TMPRSS11A: variants seen among roughly 807,000 people sequenced by gnomAD.
TMPRSS11A encodes transmembrane protease serine 11A.
A neutral mutation model predicts 58.9 loss-of-function variants in TMPRSS11A; 53 were observed. The observed-to-expected ratio is 0.90, with a 90% CI of 0.72 to 1.13. TMPRSS11A has a LOEUF of 1.13. Ranked by LOEUF, TMPRSS11A falls within the 50% of genes most tolerant of loss-of-function variation. The pLI is 0.00. For synonymous variants in TMPRSS11A, 167 were observed against 169.8 expected (o/e 0.98, Z 0.13); for missense variants, 493 against 499.3 (o/e 0.99, Z 0.12).
At chr4:67,961,143 A>G (rs1721411109) in intron 1 of TMPRSS11A, among the ~76,000 whole-genome samples, 1 of 152,242 alleles carries the variant, frequency 6.6e-6, no homozygotes, top group Non-Finnish European at 1.5e-5. Context: ...TCCAAGGTTC[A>G]TGATAGCAGA....
intron 9 of TMPRSS11A, among the ~76,000 whole-genome samples, chr4:67,913,000 G>A (rs146534047): frequency 6.6e-6 from 1 of 151,762 alleles, no homozygotes; most frequent in Non-Finnish European, 1.5e-5. Context: ...TGTCTTTTTT[G>A]TTGTTGTTGT....
intron 1 of TMPRSS11A, among the ~76,000 whole-genome samples, chr4:67,956,470 A>G (rs1453971430): frequency 2.0e-5 from 3 of 152,184 alleles, no homozygotes; most frequent in Non-Finnish European, 4.4e-5. Flanking sequence ...GATATTTCAG[A>G]AACATATCTA....
chr4:67,933,641 C>T (rs1465844), intron 3 of TMPRSS11A, among the ~76,000 whole-genome samples: 81,311 of 151,880 alleles, frequency 0.54, 22,791 homozygotes, highest in African/African-American at 0.64. Context: ...GTGTGGGGTT[C>T]ATCTGCTAGA....
At chr4:67,932,365 T>C (rs1217156775) in intron 3 of TMPRSS11A, among the ~76,000 whole-genome samples, 1 of 152,138 alleles carries the variant, frequency 6.6e-6, no homozygotes, top group African/African-American at 2.4e-5. Context: ...GAGTAGAAGA[T>C]ATCTTGCTAA....
intron 1 of TMPRSS11A, among the ~76,000 whole-genome samples, 155 bp from the exon 2 acceptor site, chr4:67,946,726 T>TAA (rs34591422): frequency 0.63 from 94,769 of 149,610 alleles, 34,523 homozygotes; most frequent in Non-Finnish European, 0.82. Flanking sequence ...GAAGATGTGT[T>TAA]AAAAAAAAAA....
chr4:67,915,909 ATTTG>A (rs1026430019), intron 8 of TMPRSS11A, among the ~76,000 whole-genome samples: 3 of 152,242 alleles, frequency 2.0e-5, no homozygotes, highest in African/African-American at 7.2e-5. Context: ...GTTTGTGATT[ATTTG>A]TTACACATTT....
chr4:67,913,973 G>A (rs1441696938), intron 9 of TMPRSS11A, among the ~76,000 whole-genome samples: 1 of 152,170 alleles, frequency 6.6e-6, no homozygotes, highest in East Asian at 1.9e-4. Flanking sequence ...ACTGGGGAGG[G>A]CCCATGGAAT....
At chr4:67,948,595 CTATTGAGTAAA>C (rs1418770467) in intron 1 of TMPRSS11A, among the ~76,000 whole-genome samples, 1 of 152,140 alleles carries the variant, frequency 6.6e-6, no homozygotes, top group Non-Finnish European at 1.5e-5. Flanking sequence ...AACCTGAATT[CTATTGAGTAAA>C]TATTGACCAT....
chr4:67,941,965 C>G (rs148079014), intron 3 of TMPRSS11A, among the ~76,000 whole-genome samples: 71 of 152,192 alleles, frequency 4.7e-4, no homozygotes, highest in African/African-American at 1.7e-3. Context: ...GCAGTGTCCA[C>G]AACCAACACA....
At position 67,926,046 on chromosome 4, in the gene TMPRSS11A, G is replaced by C. The variant is rs893969072; in HGVS notation, c.482-1880C>G. ...ACCTCCTAACACGGTTCTGAGTTGG[G>C]AGAAAGCTAGTTAATATTCAGGGCT... On this transcript the variant is annotated intron_variant, in intron 5 of 9. Transcript: ENST00000508048. Among the ~76,000 whole-genome samples, 6 of 152,184 alleles carry C rather than the reference G, an allele frequency of 3.9e-5. No homozygotes were observed. In the East Asian group the frequency reaches 1.2e-3, roughly 29 times the overall value.
At chr4:67,916,696 G>A (rs1281096370) in intron 8 of TMPRSS11A, among the ~76,000 whole-genome samples, 2 of 152,074 alleles carry the variant, frequency 1.3e-5, no homozygotes, top group Non-Finnish European at 2.9e-5. Context: ...GCATGGTGGT[G>A]GGCGCCTGCA....
intron 1 of TMPRSS11A, 68 bp from the exon 2 acceptor site, chr4:67,946,639 A>G: frequency 6.7e-7 from 1 of 1,495,104 alleles, no homozygotes; most frequent in Non-Finnish European, 8.9e-7. Context: ...AGCTCTCCTT[A>G]GACAAGTTCA....
chr4:67,914,637 G>T lies in TMPRSS11A; in HGVS notation c.1046C>A (p.Pro349His). 14 of 1,613,598 alleles carry T rather than the reference G, an allele frequency of 8.7e-6. No homozygotes were observed. Among genetic ancestry groups the T allele is most frequent in the Non-Finnish European group, 1.2e-5 (14 of 1,179,746 alleles). The change falls in exon 9 of 10, where the codon CCT (proline) becomes CAT (histidine). Residue 349 changes from proline (P) to histidine (H), a missense_variant. Pro to His is a moderately conservative substitution (Grantham distance 77, BLOSUM62 -2). Coordinates refer to ENST00000508048, the MANE Select transcript of TMPRSS11A (RefSeq NM_001114387.2). ...QPQVYGNDIK[P>H]GMFCAGYMEG... The stretch of plus-strand genomic sequence containing the variant: ...CATATATCCGGCACAGAACATTCCA[G>T]GTTTTATATCATTGCCATACACCTG...
intron 5 of TMPRSS11A, among the ~76,000 whole-genome samples, chr4:67,928,908 C>T (rs1340346206): frequency 1.3e-5 from 2 of 152,176 alleles, no homozygotes; most frequent in Admixed American, 1.3e-4. Flanking sequence ...CTATACTTGT[C>T]TGTTGGAAGA....
intron 9 of TMPRSS11A, among the ~76,000 whole-genome samples, chr4:67,913,392 C>A (rs1577849035): frequency 1.3e-5 from 2 of 152,184 alleles, no homozygotes; most frequent in East Asian, 3.8e-4. Context: ...CACTGTATTC[C>A]TGTCTTGGAT....
chr4:67,919,214 T>TTGG lies in TMPRSS11A; in HGVS notation c.710_711insCCA (p.His236dup), dbSNP rs754919501. ...TTTTTGTTCCAAAACTAACAGTCCA[T>TTGG]TGATGTGGATTTTTATACCTGGAAA... is the stretch of plus-strand genomic sequence containing the variant. On this transcript the variant is annotated inframe_insertion, in exon 8 of 10. Transcript: ENST00000508048. 4.3e-6 allele frequency: 7 copies of TTGG among 1,613,802 alleles called. No individual in the cohort carries two copies. In the African/African-American group the frequency reaches 9.3e-5, roughly 22 times the overall value.
In TMPRSS11A at chr4:67,962,880, C is replaced by T. The variant is rs189155501; in HGVS notation, c.11+503G>A. 6.0e-3 allele frequency among the ~76,000 whole-genome samples: 921 copies of T among 152,342 alleles called. 10 individuals are homozygous for T. Among genetic ancestry groups the T allele is most frequent in the South Asian group, 0.035 (168 of 4,828 alleles). ...TTGAGCTTGTTTTCTCATTCTCCCA[C>T]ATGGAAGCCCTGGGTCTTCTACAAT... On this transcript the variant is annotated intron_variant, in intron 1 of 9. Coordinates refer to ENST00000508048, the MANE Select transcript of TMPRSS11A (RefSeq NM_001114387.2).
chr4:67,924,475 G>T (rs1432810619), intron 5 of TMPRSS11A, among the ~76,000 whole-genome samples: 5 of 152,202 alleles, frequency 3.3e-5, no homozygotes, highest in Non-Finnish European at 7.3e-5. Flanking sequence ...TCGGGGTAAA[G>T]CTTCTTTGCA....
rs114026474 is a variant in TMPRSS11A at position 67,930,481 on chromosome 4, C to T, written c.321-441G>A. ...GCTTGTTTCTCTTTGGTCAGCTCTG[C>T]TTTTAAGAGTTCATCATTTTGAGTT... On this transcript the variant is annotated intron_variant, in intron 4 of 9. Coordinates refer to ENST00000508048, the MANE Select transcript of TMPRSS11A (RefSeq NM_001114387.2). 6.4e-3 allele frequency among the ~76,000 whole-genome samples: 970 copies of T among 152,212 alleles called. 9 individuals carry two copies. Among genetic ancestry groups the T allele is most frequent in the African/African-American group, 0.022 (927 of 41,532 alleles).
Sources: gnomAD v4.1 joint callset for allele counts (sites outside exome capture counted in the v4.1 genomes callset) on GRCh38, gnomAD v4.1.1 for gene constraint, MANE v1.5 for transcripts, NCBI Gene and HGNC (gene_info 2026-07-23, HGNC 2026-07-21) for gene names.